ANO5: variants seen among roughly 807,000 people sequenced by gnomAD.
ANO5 encodes the protein anoctamin 5, also known as anoctamin-5.
In ANO5, 109 loss-of-function variants were observed where a neutral mutation model predicts 121.0. The observed-to-expected ratio is 0.90, with a 90% CI of 0.77 to 1.06. The LOEUF is 1.06. ANO5 is among the 50% of genes least tolerant of loss of function. ANO5 has a pLI of 0.00. For synonymous variants in ANO5, 406 were observed against 359.9 expected (o/e 1.13, Z -1.45); for missense variants, 1,064 against 1,078.5 (o/e 0.99, Z 0.19).
chr11:22,271,309 A>C (rs539672358), intron 18 of ANO5, among the ~76,000 whole-genome samples: 107 of 152,250 alleles, frequency 7.0e-4, no homozygotes, highest in Non-Finnish European at 1.5e-3. Flanking sequence ...CGGCCTCCCA[A>C]AGTGCTGGGA....
chr11:22,232,577 A>T (rs952552268), intron 7 of ANO5, among the ~76,000 whole-genome samples: 2 of 151,962 alleles, frequency 1.3e-5, no homozygotes, highest in East Asian at 3.9e-4. Context: ...TCACACCAGG[A>T]TAATGAAATT....
At chr11:22,195,382 T>A (rs1851777279) in intron 1 of ANO5, among the ~76,000 whole-genome samples, 1 of 152,196 alleles carries the variant, frequency 6.6e-6, no homozygotes, top group African/African-American at 2.4e-5. Context: ...AGTGTTATCA[T>A]TCTATGTTCT....
At position 22,236,260 on chromosome 11, in the gene ANO5, C is replaced by G. The variant is rs1278466363; in HGVS notation, c.746C>G (p.Ala249Gly). The G allele has an allele frequency of 1.2e-6, 2 of 1,610,576 alleles. No individual in the cohort carries two copies. Among genetic ancestry groups the G allele is most frequent in the Non-Finnish European group, 1.7e-6 (2 of 1,177,160 alleles). The change falls in exon 8 of 22, where the codon GCC becomes GGC. Residue 249 changes from alanine (A) to glycine (G), a missense_variant. Ala to Gly is a moderately conservative substitution (Grantham distance 60). Coordinates refer to ENST00000324559, the MANE Select transcript of ANO5 (RefSeq NM_213599.3). The stretch of plus-strand genomic sequence containing the variant: ...CTAAACTCTAACACTTACTCATCTG[C>G]CTATCCACTCCATGATGTATGTATA... ...RLLNSNTYSS[A>G]YPLHDGQYWK...
Position 22,272,881 on chromosome 11 carries a change from C to T in ANO5, c.2127C>T (p.Ala709=), listed in dbSNP as rs765493916. Residue 709 remains alanine (A), a synonymous_variant, in exon 19 of 22, where the codon GCC becomes GCT. Coordinates refer to ENST00000324559, the MANE Select transcript of ANO5 (RefSeq NM_213599.3). ...INNIVEIRVD[A]WKLTTQYRRT... ...ATATTGTAGAGATTCGAGTGGATGC[C>T]TGGAAACTTACCACTCAATACAGGA... is the stretch of plus-strand genomic sequence containing the variant. 1.2e-6 allele frequency: 2 copies of T among 1,613,982 alleles called. No homozygotes were observed. The highest frequency in any genetic ancestry group is 8.5e-7 in the Non-Finnish European group (1 of 1,179,938).
At chr11:22,220,019 A>G (rs1218897458) in intron 4 of ANO5, among the ~76,000 whole-genome samples, 2 of 151,470 alleles carry the variant, frequency 1.3e-5, no homozygotes, top group East Asian at 3.9e-4. Context: ...CTTTGTTCAT[A>G]GACCACAGAT....
intron 5 of ANO5, among the ~76,000 whole-genome samples, chr11:22,224,112 CCTT>C (rs1852747807): frequency 1.3e-5 from 2 of 151,944 alleles, no homozygotes; most frequent in African/African-American, 4.8e-5. Context: ...ACTAGTTGCT[CCTT>C]CTCAGTCTTT....
In ANO5 at chr11:22,193,405, C is replaced by G. The variant is rs1002930239; in HGVS notation, c.-88C>G. ...AACTCCGGCGGCCCACAGTCAGATT[C>G]AGCACCTGCCTCAGATCTCCACGTC... On this transcript the variant is annotated 5_prime_UTR_variant, in exon 1 of 22. Coordinates refer to ENST00000324559, the MANE Select transcript of ANO5 (RefSeq NM_213599.3). The G allele has an allele frequency of 5.2e-6, 8 of 1,553,072 alleles. No individual in the cohort carries two copies. The South Asian group carries it at 8.3e-5, about 16-fold the overall frequency.
At chr11:22,213,444 T>G (rs568622100) in intron 3 of ANO5, among the ~76,000 whole-genome samples, 3 of 151,964 alleles carry the variant, frequency 2.0e-5, no homozygotes, top group African/African-American at 7.2e-5. Flanking sequence ...TTTCCTGATT[T>G]TTTTTTTTAT....
chr11:22,209,051 A>G (rs978608474), intron 2 of ANO5, among the ~76,000 whole-genome samples: 4 of 151,992 alleles, frequency 2.6e-5, no homozygotes, highest in African/African-American at 9.7e-5. Context: ...AAATTTATAG[A>G]TATGATGAAT....
intron 9 of ANO5, among the ~76,000 whole-genome samples, chr11:22,240,264 A>G (rs185857146): frequency 1.8e-4 from 28 of 152,142 alleles, no homozygotes; most frequent in Non-Finnish European, 3.2e-4. Flanking sequence ...CAAGAAGACT[A>G]TGGTTGCAGG....
chr11:22,272,237 G>C (rs1216846284), intron 18 of ANO5, among the ~76,000 whole-genome samples: 1 of 150,740 alleles, frequency 6.6e-6, no homozygotes, highest in East Asian at 2.0e-4. Context: ...AAGATGTCAT[G>C]ATAGTAAGGA....
intron 5 of ANO5, among the ~76,000 whole-genome samples, chr11:22,222,816 C>T (rs1422735590): frequency 6.6e-6 from 1 of 152,018 alleles, no homozygotes; most frequent in African/African-American, 2.4e-5. Flanking sequence ...TGGACCTTAA[C>T]TGGGTCCTTA....
At chr11:22,200,021 A>G (rs1052208128) in intron 1 of ANO5, among the ~76,000 whole-genome samples, 3 of 152,112 alleles carry the variant, frequency 2.0e-5, no homozygotes, top group Non-Finnish European at 4.4e-5. Context: ...TTGTAACATC[A>G]TGTATTGCTT....
chr11:22,194,293 T>C (rs1851743006), intron 1 of ANO5, among the ~76,000 whole-genome samples: 1 of 152,220 alleles, frequency 6.6e-6, no homozygotes, highest in Non-Finnish European at 1.5e-5. Flanking sequence ...CCTTCAATGA[T>C]ATTTTATTTT....
At chr11:22,230,504 A>T (rs1277458285) in intron 7 of ANO5, among the ~76,000 whole-genome samples, 1 of 151,954 alleles carries the variant, frequency 6.6e-6, no homozygotes, top group African/African-American at 2.4e-5. Flanking sequence ...TTGCTTTTTG[A>T]TAGTGTTTTT....
At chr11:22,216,495 CTT>C (rs1852449008) in intron 3 of ANO5, among the ~76,000 whole-genome samples, 1 of 151,668 alleles carries the variant, frequency 6.6e-6, no homozygotes, top group South Asian at 2.1e-4. Context: ...CATAGATACT[CTT>C]TTATGAACTG....
intron 1 of ANO5, among the ~76,000 whole-genome samples, chr11:22,196,171 G>A (rs1474685159): frequency 6.6e-6 from 1 of 152,176 alleles, no homozygotes; most frequent in Non-Finnish European, 1.5e-5. Flanking sequence ...TGGTTCTGGA[G>A]TCTGGAAAGT....
chr11:22,255,546 G>T (rs1281836159), intron 13 of ANO5, 24 bp downstream of exon 13: 1 of 1,611,226 alleles, frequency 6.2e-7, no homozygotes. Context: ...CTGTGAAACG[G>T]ACAGCATATC....
At chr11:22,218,464 C>A (rs946461741) in intron 4 of ANO5, among the ~76,000 whole-genome samples, 177 bp downstream of exon 4, 1 of 152,048 alleles carries the variant, frequency 6.6e-6, no homozygotes, top group Non-Finnish European at 1.5e-5. Flanking sequence ...TGGATTAAAT[C>A]TATAGATCCT....
Sources: gnomAD v4.1 joint callset for allele counts (sites outside exome capture counted in the v4.1 genomes callset) on GRCh38, gnomAD v4.1.1 for gene constraint, MANE v1.5 for transcripts, NCBI Gene and HGNC (gene_info 2026-07-23, HGNC 2026-07-21) for gene names.